The following ACTR3C variants were observed in gnomAD, a reference collection of about 807,000 sequenced individuals.
ACTR3C encodes actin related protein 3C.
In ACTR3C, 18 loss-of-function variants were observed where a neutral mutation model predicts 26.3. The ratio of observed to expected loss-of-function variants is 0.68; its 90% CI spans 0.47 to 1.01. The LOEUF is 1.01. ACTR3C is among the 50% of genes least tolerant of loss of function. The pLI is 0.00. For synonymous variants in ACTR3C, 55 were observed against 94.5 expected, an observed-to-expected ratio of 0.58 and a Z score of 2.42; for missense variants, 184 against 250.7, an observed-to-expected ratio of 0.73 and a Z score of 1.80.
chr7:150,118,076 C>A, the ACTR3C span, among the ~76,000 whole-genome samples: 1 of 152,240 alleles, frequency 6.6e-6, no homozygotes, highest in East Asian at 1.9e-4. Flanking sequence ...AAACCCCATC[C>A]GAAGGTCACC....
At chr7:150,312,236 T>G (rs1477580495) in intron 1 of ACTR3C, among the ~76,000 whole-genome samples, 1 of 152,226 alleles carries the variant, frequency 6.6e-6, no homozygotes, top group African/African-American at 2.4e-5. Context: ...ACCAGTCTTT[T>G]CCAACTCAGG....
the ACTR3C span, among the ~76,000 whole-genome samples, chr7:150,072,865 G>C: frequency 6.6e-6 from 1 of 152,038 alleles, no homozygotes; most frequent in Non-Finnish European, 1.5e-5. Flanking sequence ...AGAGGAGGGA[G>C]AGGAATTTAT....
chr7:150,016,108 C>T, the ACTR3C span, among the ~76,000 whole-genome samples: 1 of 152,062 alleles, frequency 6.6e-6, no homozygotes, highest in African/African-American at 2.4e-5. Context: ...CAGTGGGCCT[C>T]ACTACAGGGC....
chr7:149,944,063 G>C, the ACTR3C span, among the ~76,000 whole-genome samples: 1 of 137,042 alleles, frequency 7.3e-6, no homozygotes, highest in Non-Finnish European at 1.5e-5. Context: ...GGCAAGTCAA[G>C]GGCTTGTTTC....
chr7:150,064,649 TACACAC>T, the ACTR3C span, among the ~76,000 whole-genome samples: 2,826 of 145,216 alleles, frequency 0.019, 84 homozygotes, highest in African/African-American at 0.065. Context: ...TATTTTCACA[TACACAC>T]ACACACACAC....
the ACTR3C span, among the ~76,000 whole-genome samples, chr7:150,167,979 A>C: frequency 6.6e-6 from 1 of 150,910 alleles, no homozygotes; most frequent in Non-Finnish European, 1.5e-5. Context: ...AGTGAGTCTG[A>C]AATATACCAT....
chr7:150,247,979 T>G (rs1247969445), intron 7 of ACTR3C: 1 of 152,306 alleles, frequency 6.6e-6, no homozygotes, highest in Non-Finnish European at 1.5e-5. Context: ...TTGAACCTCT[T>G]TTCTTTAAAA....
the ACTR3C span, among the ~76,000 whole-genome samples, chr7:150,132,314 T>C: frequency 1.3e-5 from 2 of 152,202 alleles, no homozygotes. Flanking sequence ...GCTCTCTGGA[T>C]ATGCTAAAAA....
intron 1 of ACTR3C, among the ~76,000 whole-genome samples, chr7:150,301,652 A>G (rs1044290289): frequency 1.2e-4 from 18 of 151,988 alleles, no homozygotes; most frequent in African/African-American, 4.4e-4. Flanking sequence ...CCAGAGAATA[A>G]GCAGAATGTG....
intron 1 of ACTR3C, among the ~76,000 whole-genome samples, chr7:150,301,799 AT>A (rs1323525716): frequency 2.7e-4 from 41 of 151,684 alleles, no homozygotes; most frequent in African/African-American, 8.5e-4. Context: ...GATTCCATTT[AT>A]ATGAGGGCCC....
chr7:150,148,500 T>C, the ACTR3C span, among the ~76,000 whole-genome samples: 1 of 152,038 alleles, frequency 6.6e-6, no homozygotes, highest in Non-Finnish European at 1.5e-5. Context: ...AAGTCACAAA[T>C]CTTGCCCACT....
chr7:150,201,010 G>A, the ACTR3C span, among the ~76,000 whole-genome samples: 3 of 151,988 alleles, frequency 2.0e-5, no homozygotes, highest in African/African-American at 7.3e-5. Flanking sequence ...TCTTCATATT[G>A]TCTAGATGTT....
chr7:150,213,227 T>G, the ACTR3C span, among the ~76,000 whole-genome samples: 1 of 152,168 alleles, frequency 6.6e-6, no homozygotes, highest in Non-Finnish European at 1.5e-5. Flanking sequence ...GATATACTCA[T>G]GTCCATAGAT....
the ACTR3C span, among the ~76,000 whole-genome samples, chr7:150,022,156 C>T: frequency 6.6e-6 from 1 of 151,920 alleles, no homozygotes; most frequent in Non-Finnish European, 1.5e-5. Context: ...TTAATTATGG[C>T]CATTTGTGCA....
the ACTR3C span, among the ~76,000 whole-genome samples, chr7:149,912,568 T>A: frequency 3.3e-5 from 5 of 150,906 alleles, no homozygotes; most frequent in African/African-American, 1.2e-4. Context: ...AGTGGCGCGA[T>A]CTCGGCTCAC....
the ACTR3C span, among the ~76,000 whole-genome samples, chr7:149,906,797 A>T: frequency 2.7e-5 from 2 of 73,672 alleles, no homozygotes; most frequent in Non-Finnish European, 2.6e-5. Flanking sequence ...TCACACCTGA[A>T]CTCTTCCAAT....
the ACTR3C span, among the ~76,000 whole-genome samples, chr7:150,101,104 A>G: frequency 2.8e-3 from 427 of 151,710 alleles, 10 homozygotes; most frequent in African/African-American, 0.01. Flanking sequence ...TATCCTTCAT[A>G]GGACTCTACC....
chr7:150,226,340 T>TGA, the ACTR3C span, among the ~76,000 whole-genome samples: 1 of 152,248 alleles, frequency 6.6e-6, no homozygotes, highest in African/African-American at 2.4e-5. Flanking sequence ...CTCCTATTGC[T>TGA]CTGCTTCCTC....
At chr7:149,939,978 C>T in the ACTR3C span, among the ~76,000 whole-genome samples, 6 of 124,080 alleles carry the variant, frequency 4.8e-5, no homozygotes, top group Admixed American at 8.7e-5. Flanking sequence ...TAATGCTGTA[C>T]AAAAAATAGC....
Sources: gnomAD v4.1 joint callset for allele counts (sites outside exome capture counted in the v4.1 genomes callset) on GRCh38, gnomAD v4.1.1 for gene constraint, MANE v1.5 for transcripts, NCBI Gene and HGNC (gene_info 2026-07-23, HGNC 2026-07-21) for gene names.